The following FHIP2A variants were observed in gnomAD, a reference collection of about 807,000 sequenced individuals.
The protein encoded by FHIP2A is family with sequence similarity 160 member B1.
In FHIP2A, 46 loss-of-function variants were observed where a neutral mutation model predicts 93.5. The observed-to-expected ratio is 0.49, with a 90% CI of 0.39 to 0.63. FHIP2A has a LOEUF of 0.63. FHIP2A is among the 20% of genes least tolerant of loss of function. FHIP2A has a pLI of 0.00. For synonymous variants in FHIP2A, 332 were observed against 326.5 expected (o/e 1.02, Z -0.18); for missense variants, 769 against 909.7 (o/e 0.85, Z 1.99).
intron 3 of FHIP2A, 41 bp from the exon 4 acceptor site, chr10:114,835,496 T>C (rs1208522682): frequency 8.3e-7 from 1 of 1,200,394 alleles, no homozygotes; most frequent in Non-Finnish European, 1.2e-6. Flanking sequence ...GTTTGCATTG[T>C]CTGTTGTTTT....
At chr10:114,866,236 G>A (rs763244083), downstream of FHIP2A, among the ~76,000 whole-genome samples, 17 of 152,028 alleles carry the variant, frequency 1.1e-4, 1 homozygote, top group African/African-American at 1.9e-4. Flanking sequence ...CTGTTCCTGC[G>A]TTAGTTTGCT....
rs536063629 is a variant in FHIP2A, at chr10:114,861,729, T to A, written c.*189T>A. On this transcript the variant is annotated 3_prime_UTR_variant, in exon 17 of 17. Coordinates refer to ENST00000369248, the MANE Select transcript of FHIP2A (RefSeq NM_020940.4). ...AAATGTTGTATAATGTTGTTTTCAT[T>A]GGCTTTATCATAATGGTTCTATATA... 2 of 1,368,048 alleles carry A rather than the reference T, an allele frequency of 1.5e-6. No individual in the cohort carries two copies. The allele number at this position is 1,368,048 out of a possible 1,614,324, so 84.7% of individuals were successfully genotyped here.
intron 3 of FHIP2A, among the ~76,000 whole-genome samples, chr10:114,835,071 T>C (rs2083629143): frequency 6.6e-6 from 1 of 152,204 alleles, no homozygotes; most frequent in Admixed American, 6.5e-5. Flanking sequence ...TTTCCTTTTA[T>C]TTACATGTGT....
chr10:114,883,875 C>T (rs1003794249), intron 16 of FHIP2A, among the ~76,000 whole-genome samples: 6 of 152,118 alleles, frequency 3.9e-5, no homozygotes, highest in African/African-American at 1.2e-4. Flanking sequence ...CCACCATGCC[C>T]GGCCGATATA....
chr10:114,859,360 C>A (rs1355678683), intron 14 of FHIP2A, among the ~76,000 whole-genome samples: 1 of 152,226 alleles, frequency 6.6e-6, no homozygotes, highest in African/African-American at 2.4e-5. Flanking sequence ...GCATTCTCCA[C>A]TGAATGCCAG....
chr10:114,837,716 C>T (rs560304922), intron 5 of FHIP2A, among the ~76,000 whole-genome samples: 5 of 152,194 alleles, frequency 3.3e-5, no homozygotes, highest in Admixed American at 6.5e-5. Flanking sequence ...TCCACCCCTA[C>T]GCCCTAGCAG....
chr10:114,892,688 A>G (rs2083981854), intron 16 of FHIP2A, among the ~76,000 whole-genome samples: 1 of 152,094 alleles, frequency 6.6e-6, no homozygotes, highest in Non-Finnish European at 1.5e-5. Flanking sequence ...TAAGAATACT[A>G]ATTAGGATTG....
chr10:114,843,866 C>T lies in FHIP2A; in HGVS notation c.942C>T (p.Ala314=). The T allele has an allele frequency of 6.2e-7, 1 of 1,611,486 alleles. No homozygotes were observed. Among genetic ancestry groups the T allele is most frequent in the Non-Finnish European group, 8.5e-7 (1 of 1,179,452 alleles). ...CLCELLTDRL[A]SLYKALPQSV... The stretch of plus-strand genomic sequence containing the variant: ...GTGAACTACTGACAGACAGACTTGC[C>T]TCCCTGTACAAGGCCCTACCTCAGT... The change falls in exon 7 of 17, where the codon GCC becomes GCT. Residue 314 remains alanine, a synonymous_variant. Transcript: ENST00000369248.
At chr10:114,891,688 C>T (rs909182367) in intron 16 of FHIP2A, among the ~76,000 whole-genome samples, 5 of 151,614 alleles carry the variant, frequency 3.3e-5, no homozygotes, top group African/African-American at 4.9e-5. Flanking sequence ...GTGATCTCAG[C>T]TCACTGTAAC....
intron 16 of FHIP2A, among the ~76,000 whole-genome samples, chr10:114,878,267 T>C (rs946780108): frequency 6.6e-6 from 1 of 152,168 alleles, no homozygotes; most frequent in African/African-American, 2.4e-5. Flanking sequence ...ATACTTCAAA[T>C]CACAACTACA....
Position 114,846,688 on chromosome 10 carries a change from G to A in FHIP2A, c.1528G>A (p.Asp510Asn). 6.2e-7 allele frequency: 1 copy of A among 1,607,808 alleles called. No individual in the cohort carries two copies. The highest frequency in any genetic ancestry group is 1.1e-5 in the South Asian group (1 of 89,018). ...YTEYKPLCPE[D>N]KDVVENGLIA... is the part of the protein sequence containing the mutation. ...AGAATATAAACCTTTGTGCCCAGAA[G>A]ATAAAGATGTGGTAGAAAATGGATT... Residue 510 changes from aspartate (D) to asparagine (N), a missense_variant, in exon 11 of 17, where the codon GAT becomes AAT. Coordinates refer to ENST00000369248, the MANE Select transcript of FHIP2A (RefSeq NM_020940.4).
At chr10:114,834,262 A>C (rs1477886128) in intron 3 of FHIP2A, among the ~76,000 whole-genome samples, 2 of 152,172 alleles carry the variant, frequency 1.3e-5, no homozygotes, top group Admixed American at 1.3e-4. Context: ...CACTCAATTT[A>C]TGTTTTTTAG....
intron 4 of FHIP2A, among the ~76,000 whole-genome samples, 195 bp downstream of exon 4, chr10:114,835,836 C>A (rs938951533): frequency 6.6e-6 from 1 of 152,098 alleles, no homozygotes; most frequent in African/African-American, 2.4e-5. Context: ...CTTTCTGATT[C>A]TCTTTAAAAT....
At chr10:114,868,314 C>T (rs1282111602), downstream of FHIP2A, among the ~76,000 whole-genome samples, 1 of 152,076 alleles carries the variant, frequency 6.6e-6, no homozygotes, top group African/African-American at 2.4e-5. Flanking sequence ...ATTCAATTCT[C>T]GTAGGAGCAC....
At chr10:114,851,487 A>T (rs1412140875) in intron 13 of FHIP2A, among the ~76,000 whole-genome samples, 1 of 152,068 alleles carries the variant, frequency 6.6e-6, no homozygotes, top group African/African-American at 2.4e-5. Context: ...TTTTCCGTGT[A>T]TTGACTTTAA....
chr10:114,824,221 T>C (rs2083560252), intron 1 of FHIP2A, among the ~76,000 whole-genome samples: 1 of 152,208 alleles, frequency 6.6e-6, no homozygotes, highest in African/African-American at 2.4e-5. Flanking sequence ...CCTTTACCCA[T>C]CAGGCTAGTA....
Position 114,861,230 on chromosome 10 carries a change from GGTT to G in FHIP2A, c.2093_2095del (p.Val698del). The G allele has an allele frequency of 6.2e-7, 1 of 1,614,068 alleles. No individual in the cohort carries two copies. Among genetic ancestry groups the G allele is most frequent in the South Asian group, 1.1e-5 (1 of 91,062 alleles). ...TGAAGTGCCTTGCCTCTGTGATGCA[GGTT>G]GTTGGAGACCTTATGCTTCGAATCC... On this transcript the variant is annotated inframe_deletion and splice_region_variant, in exon 16 of 17. Coordinates refer to ENST00000369248, the MANE Select transcript of FHIP2A (RefSeq NM_020940.4).
chr10:114,831,413 T>A (rs1024763457), intron 2 of FHIP2A, among the ~76,000 whole-genome samples: 5 of 152,148 alleles, frequency 3.3e-5, no homozygotes, highest in Non-Finnish European at 7.3e-5. Context: ...GGGGGAAGGA[T>A]GTCTCGGGAA....
intron 16 of FHIP2A, among the ~76,000 whole-genome samples, chr10:114,871,595 T>C (rs1487390897): frequency 3.3e-5 from 5 of 152,064 alleles, no homozygotes; most frequent in African/African-American, 1.2e-4. Flanking sequence ...CATATGAAAT[T>C]CCCTCTGCAG....
Sources: gnomAD v4.1 joint callset for allele counts (sites outside exome capture counted in the v4.1 genomes callset) on GRCh38, gnomAD v4.1.1 for gene constraint, MANE v1.5 for transcripts, NCBI Gene and HGNC (gene_info 2026-07-23, HGNC 2026-07-21) for gene names.